Variants in CCDC159 observed in about 807,000 individuals in gnomAD.
CCDC159 encodes coiled-coil domain-containing protein 159.
CCDC159 carries 40 observed loss-of-function variants against 50.9 expected under a neutral mutation model. That is an observed-to-expected ratio of 0.79 (90% confidence interval 0.61 to 1.02). The LOEUF (loss-of-function observed/expected upper bound fraction) is 1.02, where lower values mean the gene tolerates loss of function less well. Among genes scored for constraint, CCDC159 ranks in the 50% least tolerant of loss-of-function variants. The pLI is 0.00. For missense variants in CCDC159, 356 were observed against 371.5 expected, an observed-to-expected ratio of 0.96 and a Z score of 0.34; for synonymous variants, 146 against 138.9, an observed-to-expected ratio of 1.05 and a Z score of -0.36.
intron 1 of CCDC159, 73 bp from the exon 2 acceptor site, chr19:11,349,581 A>G: frequency 6.3e-7 from 1 of 1,590,474 alleles, no homozygotes; most frequent in Non-Finnish European, 8.6e-7. Flanking sequence ...TCCAGCCCTC[A>G]AAACTGGGTT....
intron 1 of CCDC159, chr19:11,348,156 G>T: frequency 2.2e-6 from 1 of 456,664 alleles, no homozygotes; most frequent in Non-Finnish European, 4.4e-6. Flanking sequence ...GCCAGGAAAG[G>T]CCTTCCTTTA....
chr19:11,353,704 C>G, intron 8 of CCDC159, 88 bp from the exon 9 acceptor site: 1 of 1,537,186 alleles, frequency 6.5e-7, no homozygotes, highest in South Asian at 1.2e-5. Flanking sequence ...ACTCACCCCA[C>G]CACGGCCCCC....
chr19:11,349,894 C>A, intron 2 of CCDC159, 44 bp from the exon 3 acceptor site: 1 of 1,586,090 alleles, frequency 6.3e-7, no homozygotes, highest in Non-Finnish European at 8.7e-7. Context: ...TTGCCCCAGA[C>A]CCCACCCCTT....
chr19:11,349,101 C>G, intron 1 of CCDC159: 3 of 1,348,696 alleles, frequency 2.2e-6, no homozygotes, highest in Non-Finnish European at 2.9e-6. Context: ...TCAGGGCCTT[C>G]GCCACATGAG....
chr19:11,351,165 G>C (rs1967553453), intron 5 of CCDC159, 162 bp downstream of exon 5: 1 of 727,060 alleles, frequency 1.4e-6, no homozygotes, highest in Non-Finnish European at 2.2e-6. Flanking sequence ...GGCCGGGTGT[G>C]GTGGCTCATG....
rs780458440 is a variant in CCDC159 at position 11,350,041 on chromosome 19, C to A, written c.144+15C>A. ...CCCAGACCAAGGTGAACCACCTTGG[C>A]CCTGCCCCCAGCAACCTCTGTTTCT... On this transcript the variant is annotated intron_variant, in intron 3 of 10. Transcript: ENST00000458408. 106 of 1,611,266 alleles carry A rather than the reference C, an allele frequency of 6.6e-5. No individual in the cohort carries two copies. Among genetic ancestry groups the A allele is most frequent in the Non-Finnish European group, 8.4e-5 (99 of 1,177,760 alleles).
At chr19:11,348,157 C>A in intron 1 of CCDC159, 1 of 456,656 alleles carries the variant, frequency 2.2e-6, no homozygotes, top group South Asian at 1.5e-5. Context: ...CCAGGAAAGG[C>A]CTTCCTTTAA....
chr19:11,351,062 G>C (rs1430646520), intron 5 of CCDC159, 59 bp downstream of exon 5: 3 of 1,437,404 alleles, frequency 2.1e-6, no homozygotes, highest in Non-Finnish European at 2.8e-6. Context: ...ACCCAGAACT[G>C]GGGAATGGAG....
chr19:11,347,088 G>C (rs1434547017), intron 1 of CCDC159, among the ~76,000 whole-genome samples: 1 of 152,004 alleles, frequency 6.6e-6, no homozygotes, highest in Non-Finnish European at 1.5e-5. Flanking sequence ...TCTAGCTGGA[G>C]AGTTTCCCTG....
chr19:11,347,597 T>C (rs556734088), intron 1 of CCDC159, among the ~76,000 whole-genome samples: 15 of 152,314 alleles, frequency 9.8e-5, no homozygotes, highest in East Asian at 1.9e-4. Flanking sequence ...CCCAAAGTGC[T>C]AGGATTACAG....
At chr19:11,350,318 A>C in intron 4 of CCDC159, 119 bp downstream of exon 4, 1 of 662,210 alleles carries the variant, frequency 1.5e-6, no homozygotes, top group Non-Finnish European at 2.5e-6. Flanking sequence ...GTTTGAGACC[A>C]GCCTGGACAA....
chr19:11,353,121 AC>A (rs1967672024), intron 7 of CCDC159, among the ~76,000 whole-genome samples: 1 of 151,898 alleles, frequency 6.6e-6, no homozygotes, highest in African/African-American at 2.4e-5. Context: ...CTTTTTTGAG[AC>A]GGAGTTTCCC....
Position 11,354,704 on chromosome 19 carries a change from TC to T in CCDC159, c.889+10del, listed in dbSNP as rs758285528. 6.2e-7 allele frequency: 1 copy of T among 1,605,458 alleles called. No individual in the cohort carries two copies. The highest frequency in any genetic ancestry group is 1.1e-5 in the South Asian group (1 of 90,142). Reference sequence around the variant, plus strand: ...GCCGCTCCTTCCCACCCGGTGCAGATCCTCCCCAGTCCCCCCCTCCACCCAT... The same window carrying T: ...GCCGCTCCTTCCCACCCGGTGCAGATCTCCCCAGTCCCCCCCTCCACCCAT... On this transcript the variant is annotated intron_variant, in intron 10 of 10. Transcript: ENST00000458408.
At chr19:11,354,727 C>T (rs1967795416) in intron 10 of CCDC159, 31 bp downstream of exon 10, 2 of 1,607,084 alleles carry the variant, frequency 1.2e-6, no homozygotes, top group Admixed American at 1.7e-5. Flanking sequence ...CCCCCTCCAC[C>T]CATTTCCCTC....
At chr19:11,348,675 C>A (rs1343614320) in intron 1 of CCDC159, 6 of 454,504 alleles carry the variant, frequency 1.3e-5, no homozygotes, top group Admixed American at 4.7e-5. Context: ...GCCTCTCTGG[C>A]ATGTCAGGGA....
In CCDC159 at chr19:11,351,953, C is replaced by A; in HGVS notation, c.470C>A (p.Thr157Asn). 1.2e-6 allele frequency: 2 copies of A among 1,606,970 alleles called. No individual in the cohort carries two copies. Among genetic ancestry groups the A allele is most frequent in the East Asian group, 2.2e-5 (1 of 44,596 alleles). ...EELELVREEV[T>N]FIYQKLQAQE... ...CTGGAACTGGTGCGGGAGGAGGTGA[C>A]CTTCATCTATCAGAAGCTCCGTGAG... is the stretch of plus-strand genomic sequence containing the variant. Residue 157 changes from threonine (T) to asparagine (N), a missense_variant, in exon 6 of 11, where the codon ACC (threonine) becomes AAC (asparagine). Thr to Asn is a moderately conservative substitution (Grantham distance 65). Transcript: ENST00000458408.
At chr19:11,349,774 C>T in intron 2 of CCDC159, 87 bp downstream of exon 2, 1 of 1,250,800 alleles carries the variant, frequency 8.0e-7, no homozygotes, top group Non-Finnish European at 1.2e-6. Flanking sequence ...AGCTGTCCCC[C>T]TGCCATGGTC....
In CCDC159 at chr19:11,350,154, G is replaced by A; in HGVS notation, c.181G>A (p.Glu61Lys). Residue 61 changes from glutamate (E) to lysine (K), a missense_variant, in exon 4 of 11, where the codon GAG becomes AAG. Glu to Lys is a moderately conservative substitution (Grantham distance 56). Transcript: ENST00000458408. ...EFLNHSVTMLEKESCLQQIKI... is the reference protein window; with the variant it reads ...EFLNHSVTMLKKESCLQQIKI... ...CCTGAACCACTCAGTGACCATGTTG[G>A]AGAAGGAGAGCTGCTTGCAGCAAAT... 2 of 1,613,472 alleles carry A rather than the reference G, an allele frequency of 1.2e-6. No homozygotes were observed. The highest frequency in any genetic ancestry group is 1.7e-6 in the Non-Finnish European group (2 of 1,179,764).
chr19:11,348,963 T>G, intron 1 of CCDC159: 1 of 1,347,444 alleles, frequency 7.4e-7, no homozygotes, highest in Non-Finnish European at 9.8e-7. Context: ...CCCTCACCCC[T>G]AGGCTCTTCC....
Sources: allele counts gnomAD v4.1 joint callset (sites outside exome capture counted in the v4.1 genomes callset), GRCh38; gene constraint gnomAD v4.1.1; transcripts MANE v1.5; gene names NCBI Gene and HGNC (gene_info 2026-07-23, HGNC 2026-07-21).